The following ZNF365 variants were observed in gnomAD, a reference collection of about 807,000 sequenced individuals.
The protein encoded by ZNF365 is protein ZNF365.
In ZNF365, 22 loss-of-function variants were observed where a neutral mutation model predicts 35.0. That is an observed-to-expected ratio of 0.63 (90% CI 0.45 to 0.90). ZNF365 has a LOEUF of 0.90. ZNF365 is among the 40% of genes least tolerant of loss of function. The probability of loss-of-function intolerance (pLI) is 0.00; values close to 1 mark genes in which losing one functional copy is unlikely to be tolerated. For synonymous variants in ZNF365, 188 were observed against 196.2 expected (o/e 0.96, Z 0.35); for missense variants, 448 against 500.3 (o/e 0.90, Z 1.00).
Position 62,471,235 on chromosome 10 carries a change from A to G in ZNF365, c.982-8641A>G, listed in dbSNP as rs188855660. Reference sequence around the variant, plus strand: ...CAAAAAACTGGCCAGGTGTGATGGTAGGCACCTGTAGTCCCAGCTACTCAG... The same window carrying G: ...CAAAAAACTGGCCAGGTGTGATGGTGGGCACCTGTAGTCCCAGCTACTCAG... On this transcript the variant is annotated intron_variant, in intron 4 of 4. Transcript: ENST00000395255. Among the ~76,000 whole-genome samples, 371 of 152,092 alleles carry G rather than the reference A, an allele frequency of 2.4e-3. 1 individual carries two copies. Among genetic ancestry groups the G allele is most frequent in the African/African-American group, 7.0e-3 (290 of 41,516 alleles).
chr10:62,443,206 G>C (rs1840530370), intron 3 of ZNF365, among the ~76,000 whole-genome samples: 1 of 152,208 alleles, frequency 6.6e-6, no homozygotes, highest in African/African-American at 2.4e-5. Context: ...GAATAAATCA[G>C]TTATCAGCTT....
intron 3 of ZNF365, among the ~76,000 whole-genome samples, chr10:62,396,397 T>G (rs1030921032): frequency 6.6e-6 from 1 of 152,132 alleles, no homozygotes; most frequent in African/African-American, 2.4e-5. Flanking sequence ...AGCTTCCGTA[T>G]CTCTAAAATT....
chr10:62,433,598 T>C (rs1167486634), intron 3 of ZNF365, among the ~76,000 whole-genome samples: 3 of 152,174 alleles, frequency 2.0e-5, no homozygotes, highest in African/African-American at 7.2e-5. Context: ...CAAGTGATAC[T>C]TGATGACGAT....
downstream of ZNF365, among the ~76,000 whole-genome samples, chr10:62,403,381 G>T (rs983676348): frequency 6.6e-6 from 1 of 152,162 alleles, no homozygotes; most frequent in Non-Finnish European, 1.5e-5. Flanking sequence ...TGGACCCGCC[G>T]GGTGCGGTGG....
At chr10:62,414,568 C>G (rs139364260) in intron 3 of ZNF365, among the ~76,000 whole-genome samples, 2 of 152,268 alleles carry the variant, frequency 1.3e-5, no homozygotes, top group African/African-American at 4.8e-5. Flanking sequence ...GCCAATTGTA[C>G]TACCTGGTGG....
chr10:62,413,628 T>A (rs2393880), intron 3 of ZNF365, among the ~76,000 whole-genome samples: 5 of 152,064 alleles, frequency 3.3e-5, no homozygotes, highest in African/African-American at 1.2e-4. Flanking sequence ...TTTAAAAATG[T>A]TCTGTAGTCC....
At chr10:62,418,623 T>C (rs1490806767) in intron 3 of ZNF365, among the ~76,000 whole-genome samples, 1 of 152,076 alleles carries the variant, frequency 6.6e-6, no homozygotes, top group African/African-American at 2.4e-5. Flanking sequence ...AAAATCAGGC[T>C]TCAAGTGATT....
At chr10:62,406,114 G>A (rs754756975), downstream of ZNF365, among the ~76,000 whole-genome samples, 6 of 152,224 alleles carry the variant, frequency 3.9e-5, no homozygotes, top group South Asian at 8.3e-4. Flanking sequence ...AATTTGCCCC[G>A]CATGCCCTGG....
chr10:62,439,149 C>T (rs1242796094), intron 3 of ZNF365, among the ~76,000 whole-genome samples: 1 of 152,090 alleles, frequency 6.6e-6, no homozygotes, highest in Non-Finnish European at 1.5e-5. Flanking sequence ...TTCCCACTTT[C>T]TTAGTTTTTC....
chr10:62,440,052 A>G (rs955674233), intron 3 of ZNF365, among the ~76,000 whole-genome samples: 2 of 152,168 alleles, frequency 1.3e-5, no homozygotes, highest in Non-Finnish European at 2.9e-5. Flanking sequence ...GAGACTGCTA[A>G]ATTGGAATAA....
At chr10:62,418,482 G>T (rs184631490) in intron 3 of ZNF365, among the ~76,000 whole-genome samples, 37 of 152,098 alleles carry the variant, frequency 2.4e-4, no homozygotes, top group Non-Finnish European at 1.5e-5. Context: ...GTGATGTGCA[G>T]CAACCAATCA....
chr10:62,415,508 C>G (rs1181180126), intron 3 of ZNF365, among the ~76,000 whole-genome samples: 3 of 152,050 alleles, frequency 2.0e-5, no homozygotes, highest in Non-Finnish European at 2.9e-5. Flanking sequence ...CTAGAAGAAT[C>G]TAATCTTGAT....
chr10:62,453,310 G>A (rs10822008), intron 3 of ZNF365, among the ~76,000 whole-genome samples: 65,621 of 152,000 alleles, frequency 0.43, 17,140 homozygotes, highest in Middle Eastern at 0.59. Flanking sequence ...TGAGTCGCCA[G>A]TGCCTATCAT....
intron 3 of ZNF365, among the ~76,000 whole-genome samples, chr10:62,439,907 A>T (rs897265378): frequency 6.6e-6 from 1 of 152,236 alleles, no homozygotes. Flanking sequence ...GATACTTCTT[A>T]GAACCTGGCC....
chr10:62,453,505 C>T (rs1840715927), intron 3 of ZNF365, among the ~76,000 whole-genome samples: 1 of 152,092 alleles, frequency 6.6e-6, no homozygotes, highest in Admixed American at 6.6e-5. Context: ...ATATATGTAC[C>T]ACATTTTCCT....
intron 3 of ZNF365, among the ~76,000 whole-genome samples, chr10:62,408,592 C>A (rs1404145274): frequency 6.6e-5 from 10 of 152,086 alleles, no homozygotes; most frequent in African/African-American, 2.4e-4. Context: ...AGAGTCAGTA[C>A]TTAATATATT....
chr10:62,459,676 C>T (rs546075878), intron 3 of ZNF365: 1 of 1,516,508 alleles, frequency 6.6e-7, no homozygotes, highest in African/African-American at 1.4e-5. Context: ...TGTAGTCTTG[C>T]TGTGACTTAT....
At chr10:62,461,280 C>T (rs1589466747) in intron 4 of ZNF365, among the ~76,000 whole-genome samples, 1 of 152,302 alleles carries the variant, frequency 6.6e-6, no homozygotes, top group African/African-American at 2.4e-5. Flanking sequence ...AAGAGCCTAG[C>T]GCTGGAGGAG....
intron 3 of ZNF365, among the ~76,000 whole-genome samples, chr10:62,390,362 C>T (rs935556077): frequency 2.0e-5 from 3 of 152,028 alleles, no homozygotes; most frequent in Non-Finnish European, 2.9e-5. Context: ...TGAAATCTTC[C>T]GATACTCAGC....
Sources: allele counts gnomAD v4.1 joint callset (sites outside exome capture counted in the v4.1 genomes callset), GRCh38; gene constraint gnomAD v4.1.1; transcripts MANE v1.5; gene names NCBI Gene and HGNC (gene_info 2026-07-23, HGNC 2026-07-21).